The following RPTOR variants were observed in gnomAD, a reference collection of about 807,000 sequenced individuals.
RPTOR encodes the protein regulatory-associated protein of mTOR.
In RPTOR, 21 loss-of-function variants were observed where a neutral mutation model predicts 169.9. The observed-to-expected ratio is 0.12, with a 90% CI of 0.09 to 0.18. The LOEUF (loss-of-function observed/expected upper bound fraction) is 0.18. Ranked by LOEUF, RPTOR falls within the 10% of genes least tolerant of loss-of-function variation. The pLI is 1.00. For missense variants in RPTOR, 1,133 were observed against 1,855.9 expected (o/e 0.61, Z 7.16); for synonymous variants, 732 against 753.2 (o/e 0.97, Z 0.46).
intron 2 of RPTOR, among the ~76,000 whole-genome samples, chr17:80,640,862 C>T (rs1271456417): frequency 6.6e-6 from 1 of 152,178 alleles, no homozygotes; most frequent in Non-Finnish European, 1.5e-5. Context: ...CACCGCTGAC[C>T]GTCGTGATGC....
chr17:80,832,726 A>T (rs919456245), intron 9 of RPTOR, among the ~76,000 whole-genome samples: 1 of 152,142 alleles, frequency 6.6e-6, no homozygotes, highest in African/African-American at 2.4e-5. Flanking sequence ...CCACGAAAAC[A>T]ATGCCCAGAG....
At chr17:80,579,822 C>T (rs568148670) in intron 1 of RPTOR, among the ~76,000 whole-genome samples, 3 of 152,232 alleles carry the variant, frequency 2.0e-5, no homozygotes, top group East Asian at 1.9e-4. Context: ...AGGATTTCAG[C>T]GCAGGTCTTT....
In RPTOR at chr17:80,920,402, G is replaced by A. The variant is rs532643563; in HGVS notation, c.2521-2322G>A. Among the ~76,000 whole-genome samples, 13 of 152,364 alleles carry A rather than the reference G, an allele frequency of 8.5e-5. No homozygotes were observed. In the South Asian group the frequency reaches 1.4e-3, roughly 17 times the overall value. On this transcript the variant is annotated intron_variant, in intron 21 of 33. Transcript: ENST00000306801. Reference sequence around the variant, plus strand: ...TGATCCAGGTGTGTGTCTGTCTCACGAGATTTCCAGAAGTGGTGGAAAATT... The same window carrying A: ...TGATCCAGGTGTGTGTCTGTCTCACAAGATTTCCAGAAGTGGTGGAAAATT...
At chr17:80,656,009 C>T (rs1052726307) in intron 3 of RPTOR, among the ~76,000 whole-genome samples, 2 of 152,120 alleles carry the variant, frequency 1.3e-5, no homozygotes, top group South Asian at 2.1e-4. Context: ...CATTTTCCTT[C>T]GCCTCTTGGT....
chr17:80,594,163 G>A (rs537178283), intron 1 of RPTOR, among the ~76,000 whole-genome samples: 4 of 151,752 alleles, frequency 2.6e-5, no homozygotes, highest in Non-Finnish European at 5.9e-5. Flanking sequence ...GTGCGATCTC[G>A]GCTCACCACA....
At chr17:80,890,808 C>T (rs192927937) in intron 17 of RPTOR, among the ~76,000 whole-genome samples, 3 of 152,012 alleles carry the variant, frequency 2.0e-5, no homozygotes, top group African/African-American at 7.2e-5. Context: ...TGGGAAAGTG[C>T]GTGTACAGAG....
intron 25 of RPTOR, among the ~76,000 whole-genome samples, chr17:80,944,542 C>T (rs2069074323): frequency 2.0e-5 from 3 of 152,188 alleles, no homozygotes; most frequent in Admixed American, 2.0e-4. Flanking sequence ...CAGTGGCTGC[C>T]GTCACCCCAA....
chr17:80,658,502 T>A (rs1167173042), intron 3 of RPTOR, among the ~76,000 whole-genome samples: 1 of 152,180 alleles, frequency 6.6e-6, no homozygotes, highest in Non-Finnish European at 1.5e-5. Context: ...CGCACCCCCC[T>A]GTCCAGCTGA....
rs567983016 is a variant in RPTOR at position 80,614,760 on chromosome 17, T to C, written c.163-10931T>C. Among the ~76,000 whole-genome samples, 7 of 152,354 alleles carry C rather than the reference T, an allele frequency of 4.6e-5. No individual in the cohort carries two copies. In the South Asian group the frequency reaches 1.2e-3, roughly 27 times the overall value. On this transcript the variant is annotated intron_variant, in intron 1 of 33. Coordinates refer to ENST00000306801, the MANE Select transcript of RPTOR (RefSeq NM_020761.3). ...CTTTGAAGCACCCAGGGAAGATGCA[T>C]GTGCCACTCTGCATTTTGTAAAATT...
chr17:80,722,604 A>G lies in RPTOR; in HGVS notation c.508-7956A>G, dbSNP rs28688156. Among the ~76,000 whole-genome samples the G allele has an allele frequency of 1.3e-3, 200 of 151,202 alleles. 10 individuals carry two copies. The highest frequency in any genetic ancestry group is 4.8e-3 in the African/African-American group (193 of 40,514). On this transcript the variant is annotated intron_variant, in intron 4 of 33. Coordinates refer to ENST00000306801, the MANE Select transcript of RPTOR (RefSeq NM_020761.3). ...GGATGCAGCATGTGAAGAGGTGACT[A>G]TGTGTTCAGTAATTTCTGGAGAGCA...
intron 17 of RPTOR, 138 bp downstream of exon 17, chr17:80,885,286 CAT>C (rs1195114611): frequency 1.9e-5 from 20 of 1,070,932 alleles, no homozygotes; most frequent in Middle Eastern, 3.1e-4. Context: ...CAGATCTTTA[CAT>C]GTTTCATTCT....
In RPTOR at chr17:80,820,027, T is replaced by C. The variant is rs1440305750; in HGVS notation, c.891-2174T>C. ...GGGGACGGTCCTCTGCCCTCATAGT[T>C]TGACTAACTCCAGATATGTTGAGAG... On this transcript the variant is annotated intron_variant, in intron 7 of 33. Coordinates refer to ENST00000306801, the MANE Select transcript of RPTOR (RefSeq NM_020761.3). This position sits in a 1 kb window ranked among gnomAD's most constrained non-coding sequence, Gnocchi z 4.1. Among the ~76,000 whole-genome samples, 5 of 152,168 alleles carry C rather than the reference T, an allele frequency of 3.3e-5. No individual in the cohort carries two copies. The highest frequency in any genetic ancestry group is 1.2e-4 in the African/African-American group (5 of 41,436).
chr17:80,964,134 G>A (rs1218699693), intron 33 of RPTOR, 128 bp from the exon 34 acceptor site: 3 of 785,192 alleles, frequency 3.8e-6, no homozygotes, highest in Non-Finnish European at 6.4e-6. Context: ...CCGGGCCTGA[G>A]GTGGGCGTGG....
chr17:80,642,813 AG>A (rs1217808384), intron 2 of RPTOR, among the ~76,000 whole-genome samples: 1 of 152,248 alleles, frequency 6.6e-6, no homozygotes, highest in Non-Finnish European at 1.5e-5. Context: ...TGTGTGAGGT[AG>A]GGGTTTCCAC....
chr17:80,876,020 G>A (rs1244267599), intron 13 of RPTOR, among the ~76,000 whole-genome samples: 1 of 54,062 alleles, frequency 1.8e-5, no homozygotes, highest in Non-Finnish European at 3.5e-5. Flanking sequence ...CACCGAGCCC[G>A]TGCCGCCCAG....
At position 80,636,312 on chromosome 17, in the gene RPTOR, C is replaced by T. The variant is rs558882861; in HGVS notation, c.266-7416C>T. Among the ~76,000 whole-genome samples, 361 of 152,302 alleles carry T rather than the reference C, an allele frequency of 2.4e-3. 2 individuals carry two copies. The highest frequency in any genetic ancestry group is 8.4e-3 in the African/African-American group (348 of 41,554). On this transcript the variant is annotated intron_variant, in intron 2 of 33. Transcript: ENST00000306801. ...CTCAAACACCCCGACCCCTACGTCA[C>T]AGCGCCTCAAGCATCCCGACCCCTG... is the stretch of plus-strand genomic sequence containing the variant.
In RPTOR at chr17:80,959,800, A is replaced by G. The variant is rs528692482; in HGVS notation, c.3478-278A>G. 3.4e-4 allele frequency among the ~76,000 whole-genome samples: 52 copies of G among 152,174 alleles called. No homozygotes were observed. Among genetic ancestry groups the G allele is most frequent in the African/African-American group, 1.3e-3 (52 of 41,532 alleles). On this transcript the variant is annotated intron_variant, in intron 29 of 33. Coordinates refer to ENST00000306801, the MANE Select transcript of RPTOR (RefSeq NM_020761.3). This position sits in a 1 kb window ranked among gnomAD's most constrained non-coding sequence, Gnocchi z 6.7. ...TCGGGGTGGGGCTGGCCTCTGCCTC[A>G]CTGGCTGGGTCCCAGGCGCCTCAGG... is the stretch of plus-strand genomic sequence containing the variant.
At chr17:80,853,424 C>T (rs1329299187) in intron 11 of RPTOR, among the ~76,000 whole-genome samples, 2 of 152,268 alleles carry the variant, frequency 1.3e-5, no homozygotes, top group African/African-American at 4.8e-5. Context: ...CAGGGGCTCC[C>T]AGGGTCTGTG....
chr17:80,650,361 G>A (rs912048317), intron 3 of RPTOR, among the ~76,000 whole-genome samples: 7 of 152,224 alleles, frequency 4.6e-5, no homozygotes, highest in African/African-American at 1.4e-4. Context: ...GGGAAGATTG[G>A]TGGAGTCCGC....
Sources: gnomAD v4.1 joint callset for allele counts (sites outside exome capture counted in the v4.1 genomes callset) on GRCh38, gnomAD v4.1.1 for gene constraint, Gnocchi (gnomAD v3.1) non-coding constraint, MANE v1.5 for transcripts, NCBI Gene and HGNC (gene_info 2026-07-23, HGNC 2026-07-21) for gene names.